RSU1: variants seen among roughly 807,000 people sequenced by gnomAD.
The protein encoded by RSU1 is Ras suppressor protein 1.
Under a neutral mutation model 31.1 loss-of-function variants are expected in RSU1, and 26 were observed. That is an observed-to-expected ratio of 0.84 (90% CI 0.61 to 1.16). The LOEUF is 1.16. Ranked by LOEUF, RSU1 falls within the 50% of genes most tolerant of loss-of-function variation. The pLI, the probability that RSU1 is intolerant of heterozygous loss-of-function variation, is 0.00. For synonymous variants in RSU1, 164 were observed against 136.3 expected, an observed-to-expected ratio of 1.20 and a Z score of -1.41; for missense variants, 320 against 339.1, an observed-to-expected ratio of 0.94 and a Z score of 0.44.
intron 8 of RSU1, among the ~76,000 whole-genome samples, chr10:16,653,970 T>A (rs1834728535): frequency 6.6e-6 from 1 of 152,056 alleles, no homozygotes; most frequent in South Asian, 2.1e-4. Context: ...CAAGTAACCC[T>A]AAGTGCCTAC....
intron 2 of RSU1, among the ~76,000 whole-genome samples, chr10:16,807,714 C>CT (rs1838302990): frequency 6.6e-6 from 1 of 152,130 alleles, no homozygotes; most frequent in Non-Finnish European, 1.5e-5. Context: ...ATTTTATTTG[C>CT]TTAACACAGT....
intron 8 of RSU1, among the ~76,000 whole-genome samples, chr10:16,670,763 C>A (rs1033183503): frequency 6.6e-6 from 1 of 151,956 alleles, no homozygotes; most frequent in African/African-American, 2.4e-5. Context: ...ATGGATAGCG[C>A]CACAGAACCT....
intron 4 of RSU1, among the ~76,000 whole-genome samples, chr10:16,763,851 G>A (rs1837257485): frequency 6.6e-6 from 1 of 152,160 alleles, no homozygotes; most frequent in Non-Finnish European, 1.5e-5. Context: ...ATTATTTACT[G>A]CTCCCTGGTT....
Position 16,782,462 on chromosome 10 carries a change from C to T in RSU1, c.110-378G>A, listed in dbSNP as rs192080047. The stretch of plus-strand genomic sequence containing the variant: ...GGGGCAGAGGTGCACAGGGGCCTTA[C>T]CTTGTGCTAAAAAATTTTAATTATT... On this transcript the variant is annotated intron_variant, in intron 2 of 8. Transcript: ENST00000345264. 2.3e-4 allele frequency among the ~76,000 whole-genome samples: 35 copies of T among 152,286 alleles called. No individual in the cohort carries two copies. In the Middle Eastern group the frequency reaches 0.014, roughly 59 times the overall value.
At chr10:16,636,886 T>G in intron 8 of RSU1, among the ~76,000 whole-genome samples, 1 of 152,166 alleles carries the variant, frequency 6.6e-6, no homozygotes, top group South Asian at 2.1e-4. Flanking sequence ...TCACCCACCA[T>G]TGGGCACAAT....
rs1406373581 is a variant in RSU1, at chr10:16,776,700, C to T, written c.160+5334G>A. ...AGACCCACACTTTTGAAAAGTTTTA[C>T]ATAAATGTCGGCTCCTCAATGTTTG... On this transcript the variant is annotated intron_variant, in intron 3 of 8. Transcript: ENST00000345264. Among the ~76,000 whole-genome samples the T allele has an allele frequency of 3.3e-5, 5 of 151,236 alleles. No homozygotes were observed. In the East Asian group the frequency reaches 9.8e-4, roughly 30 times the overall value.
intron 2 of RSU1, 51 bp from the exon 3 acceptor site, chr10:16,782,135 T>A (rs1398803678): frequency 1.4e-6 from 2 of 1,458,888 alleles, no homozygotes; most frequent in Non-Finnish European, 1.9e-6. Flanking sequence ...TATCACTGTA[T>A]CCGGATTCTA....
chr10:16,726,042 T>A (rs1294891450), intron 7 of RSU1, among the ~76,000 whole-genome samples: 2 of 151,772 alleles, frequency 1.3e-5, no homozygotes, highest in African/African-American at 2.4e-5. Context: ...TATATACATA[T>A]AAAACTTCTC....
chr10:16,707,465 T>A (rs1297681565), intron 7 of RSU1, among the ~76,000 whole-genome samples: 1 of 152,150 alleles, frequency 6.6e-6, no homozygotes, highest in Non-Finnish European at 1.5e-5. Flanking sequence ...TTGCACTTTC[T>A]TGATGATTAC....
chr10:16,727,810 T>G (rs1453175900), intron 7 of RSU1, among the ~76,000 whole-genome samples: 1 of 152,094 alleles, frequency 6.6e-6, no homozygotes, highest in Non-Finnish European at 1.5e-5. Context: ...ACAACCAAAT[T>G]TCATTGCAGA....
At chr10:16,623,781 G>A (rs866851767) in intron 8 of RSU1, among the ~76,000 whole-genome samples, 7 of 152,186 alleles carry the variant, frequency 4.6e-5, no homozygotes, top group Non-Finnish European at 1.0e-4. Flanking sequence ...TAGTGCTGTC[G>A]AGTATTTTTT....
At chr10:16,750,733 G>T (rs888804150) in intron 7 of RSU1, among the ~76,000 whole-genome samples, 1 of 152,160 alleles carries the variant, frequency 6.6e-6, no homozygotes, top group Non-Finnish European at 1.5e-5. Flanking sequence ...AGTTATAGAA[G>T]AATTCACCTC....
chr10:16,769,256 C>A (rs1837376555), intron 3 of RSU1, among the ~76,000 whole-genome samples: 1 of 152,214 alleles, frequency 6.6e-6, no homozygotes, highest in Non-Finnish European at 1.5e-5. Context: ...GGAGTTTATA[C>A]AATAATAATT....
intron 8 of RSU1, among the ~76,000 whole-genome samples, chr10:16,687,693 G>C (rs1213478707): frequency 6.6e-6 from 1 of 151,964 alleles, no homozygotes; most frequent in East Asian, 1.9e-4. Flanking sequence ...AGGAACAGTT[G>C]AGCAATTAAA....
chr10:16,766,080 G>C (rs531079059), intron 3 of RSU1, among the ~76,000 whole-genome samples: 11 of 152,342 alleles, frequency 7.2e-5, no homozygotes, highest in South Asian at 2.1e-4. Context: ...GCCTTTTAGA[G>C]GTAAGGCTTG....
chr10:16,760,186 AG>A (rs750526751), intron 4 of RSU1, among the ~76,000 whole-genome samples: 16 of 152,250 alleles, frequency 1.1e-4, no homozygotes, highest in Non-Finnish European at 1.9e-4. Context: ...AAAGAGAACA[AG>A]AAGGCAACTA....
At chr10:16,796,357 C>G (rs970868058) in intron 2 of RSU1, among the ~76,000 whole-genome samples, 1 of 152,150 alleles carries the variant, frequency 6.6e-6, no homozygotes, top group Admixed American at 6.5e-5. Context: ...TCCAGGGCCT[C>G]GCTACGTCTT....
At chr10:16,774,613 T>G (rs1008465494) in intron 3 of RSU1, among the ~76,000 whole-genome samples, 5 of 152,118 alleles carry the variant, frequency 3.3e-5, no homozygotes. Context: ...CCACACTGCA[T>G]GCAAACATAC....
intron 3 of RSU1, among the ~76,000 whole-genome samples, chr10:16,778,594 A>C (rs1021596963): frequency 6.6e-6 from 1 of 152,212 alleles, no homozygotes; most frequent in Non-Finnish European, 1.5e-5. Flanking sequence ...CTAGAGTTAA[A>C]GAGTCTACAT....
Sources: gnomAD v4.1 joint callset for allele counts (sites outside exome capture counted in the v4.1 genomes callset) on GRCh38, gnomAD v4.1.1 for gene constraint, MANE v1.5 for transcripts, NCBI Gene and HGNC (gene_info 2026-07-23, HGNC 2026-07-21) for gene names.